Variants in HNF4G observed in about 807,000 individuals in gnomAD.
The protein encoded by HNF4G is hepatocyte nuclear factor 4-gamma.
In HNF4G, 21 loss-of-function variants were observed where a neutral mutation model predicts 50.9. The observed-to-expected ratio is 0.41, with a 90% CI of 0.29 to 0.59. The LOEUF (loss-of-function observed/expected upper bound fraction) is 0.59. HNF4G is among the 20% of genes least tolerant of loss of function. HNF4G has a pLI of 0.26. For synonymous variants in HNF4G, 198 were observed against 185.6 expected (o/e 1.07, Z -0.54); for missense variants, 527 against 559.4 (o/e 0.94, Z 0.58).
intron 9 of HNF4G, among the ~76,000 whole-genome samples, chr8:75,563,741 A>G (rs1004101748): frequency 7.7e-6 from 1 of 129,408 alleles, no homozygotes; most frequent in Admixed American, 7.5e-5. Context: ...GTAACTATGA[A>G]AAAAATTTTT....
intron 1 of HNF4G, among the ~76,000 whole-genome samples, chr8:75,419,209 G>A (rs1810720178): frequency 6.6e-6 from 1 of 152,192 alleles, no homozygotes; most frequent in East Asian, 1.9e-4. Context: ...CAATGCCAAA[G>A]TAAGCTGAAC....
rs1812353460 is a variant in HNF4G at position 75,480,641 on chromosome 8, A to G, written c.-143-9448A>G. Reference sequence around the variant, plus strand: ...TATACATATTACTACAAAGGAAGTAAGGACTCTTCATTTTCAATCCTAATG... The same window carrying G: ...TATACATATTACTACAAAGGAAGTAGGGACTCTTCATTTTCAATCCTAATG... On this transcript the variant is annotated intron_variant, in intron 1 of 10. Coordinates refer to the HNF4G transcript ENST00000354370. Among the ~76,000 whole-genome samples, 4 of 152,134 alleles carry G rather than the reference A, an allele frequency of 2.6e-5. 1 individual carries two copies. In the South Asian group the frequency reaches 8.3e-4, roughly 31 times the overall value.
chr8:75,502,208 C>T (rs1273084464), intron 2 of HNF4G, among the ~76,000 whole-genome samples: 5 of 152,022 alleles, frequency 3.3e-5, no homozygotes, highest in Non-Finnish European at 7.4e-5. Context: ...AGCATTTATA[C>T]AATAGATTTC....
intron 2 of HNF4G, among the ~76,000 whole-genome samples, chr8:75,545,751 T>C (rs1019648497): frequency 2.0e-5 from 3 of 152,180 alleles, no homozygotes; most frequent in African/African-American, 7.2e-5. Context: ...ATGTGTACTC[T>C]ATTAGATTAT....
At chr8:75,493,678 T>A (rs1314280607) in intron 2 of HNF4G, among the ~76,000 whole-genome samples, 1 of 152,192 alleles carries the variant, frequency 6.6e-6, no homozygotes, top group Admixed American at 6.5e-5. Flanking sequence ...AATAGTGTTT[T>A]AAAATCAACT....
At chr8:75,435,357 G>A (rs1407774313) in intron 1 of HNF4G, among the ~76,000 whole-genome samples, 3 of 152,092 alleles carry the variant, frequency 2.0e-5, no homozygotes, top group African/African-American at 7.2e-5. Flanking sequence ...GTCAATTCGT[G>A]TTTTTGTTAA....
intron 2 of HNF4G, among the ~76,000 whole-genome samples, chr8:75,497,973 G>A (rs1452867164): frequency 1.3e-5 from 2 of 151,794 alleles, no homozygotes; most frequent in African/African-American, 2.4e-5. Context: ...AAATAAATTT[G>A]AAGTATTCAT....
chr8:75,488,204 G>A (rs933549102), intron 1 of HNF4G, among the ~76,000 whole-genome samples: 57 of 152,102 alleles, frequency 3.7e-4, no homozygotes, highest in African/African-American at 1.3e-3. Context: ...CCACTTATTA[G>A]GGAGTTTAGA....
chr8:75,463,113 A>C (rs1224433612), intron 1 of HNF4G, among the ~76,000 whole-genome samples: 1 of 150,084 alleles, frequency 6.7e-6, no homozygotes, highest in Non-Finnish European at 1.5e-5. Context: ...ATCTGAATTA[A>C]TTCATTAGCT....
At chr8:75,436,227 G>A (rs564312870) in intron 1 of HNF4G, among the ~76,000 whole-genome samples, 1 of 152,154 alleles carries the variant, frequency 6.6e-6, no homozygotes, top group South Asian at 2.1e-4. Flanking sequence ...ACTCAAATTG[G>A]TTTATGATTT....
chr8:75,417,093 G>A (rs1452388876), intron 1 of HNF4G, among the ~76,000 whole-genome samples: 4 of 149,350 alleles, frequency 2.7e-5, no homozygotes, highest in Non-Finnish European at 5.9e-5. Flanking sequence ...ACACACATAC[G>A]AGCATGTGCA....
chr8:75,521,639 C>T (rs973508655), intron 2 of HNF4G, among the ~76,000 whole-genome samples: 4 of 152,290 alleles, frequency 2.6e-5, no homozygotes, highest in African/African-American at 9.6e-5. Flanking sequence ...TAAATGTGTA[C>T]TGTTACTACA....
chr8:75,460,636 A>T (rs1811819613), intron 1 of HNF4G, among the ~76,000 whole-genome samples: 1 of 152,214 alleles, frequency 6.6e-6, no homozygotes, highest in African/African-American at 2.4e-5. Context: ...AGAATAGAGA[A>T]CTTATCAGTA....
At chr8:75,539,380 T>C (rs1806549520), upstream of HNF4G, among the ~76,000 whole-genome samples, 1 of 152,176 alleles carries the variant, frequency 6.6e-6, no homozygotes, top group South Asian at 2.1e-4. Context: ...GGATATGTCA[T>C]AACTCCCCAC....
chr8:75,417,926 T>G (rs1810680984), intron 1 of HNF4G, among the ~76,000 whole-genome samples: 1 of 151,900 alleles, frequency 6.6e-6, no homozygotes, highest in South Asian at 2.1e-4. Context: ...CGATAAATTT[T>G]GAATACTTAG....
chr8:75,452,977 G>A (rs1165295972), intron 1 of HNF4G, among the ~76,000 whole-genome samples: 1 of 152,202 alleles, frequency 6.6e-6, no homozygotes. Context: ...AATTAATGAG[G>A]AAATGAATGA....
At chr8:75,453,643 C>T (rs899081198) in intron 1 of HNF4G, among the ~76,000 whole-genome samples, 2 of 152,088 alleles carry the variant, frequency 1.3e-5, no homozygotes, top group Non-Finnish European at 2.9e-5. Flanking sequence ...AGCTGTAACA[C>T]TCACTGCAAA....
chr8:75,511,156 A>G (rs964178261), intron 2 of HNF4G, among the ~76,000 whole-genome samples: 1 of 152,122 alleles, frequency 6.6e-6, no homozygotes, highest in Non-Finnish European at 1.5e-5. Flanking sequence ...GTAAGTCATT[A>G]ATCTACATAT....
chr8:75,557,142 C>A (rs1178324720), intron 6 of HNF4G, among the ~76,000 whole-genome samples: 1 of 151,918 alleles, frequency 6.6e-6, no homozygotes, highest in South Asian at 2.1e-4. Context: ...ATGCAATATA[C>A]CTAGAAAACA....
Sources: allele counts gnomAD v4.1 joint callset (sites outside exome capture counted in the v4.1 genomes callset), GRCh38; gene constraint gnomAD v4.1.1; transcripts MANE v1.5; gene names NCBI Gene and HGNC (gene_info 2026-07-23, HGNC 2026-07-21).